ADORA2B: variants seen among roughly 807,000 people sequenced by gnomAD.
The protein encoded by ADORA2B is adenosine receptor A2b.
A neutral mutation model predicts 20.8 loss-of-function variants in ADORA2B; 18 were observed. That is an observed-to-expected ratio of 0.87 (90% CI 0.60 to 1.29). The LOEUF (loss-of-function observed/expected upper bound fraction) is 1.29, where lower values mean the gene tolerates loss of function less well. ADORA2B is among the 50% of genes most tolerant of loss of function. The probability of loss-of-function intolerance (pLI) is 0.00; values close to 1 mark genes in which losing one functional copy is unlikely to be tolerated. For missense variants in ADORA2B, 441 were observed against 422.7 expected, an observed-to-expected ratio of 1.04 and a Z score of -0.38; for synonymous variants, 179 against 178.3, an observed-to-expected ratio of 1.00 and a Z score of -0.03.
intron 1 of ADORA2B, among the ~76,000 whole-genome samples, chr17:15,972,620 C>CAT (rs1970203158): frequency 6.6e-6 from 1 of 152,130 alleles, no homozygotes; most frequent in Non-Finnish European, 1.5e-5. Context: ...TCTCTTGCCC[C>CAT]ATAACTCACT....
At chr17:15,871,211 A>T in the ADORA2B span, among the ~76,000 whole-genome samples, 31,904 of 152,034 alleles carry the variant, frequency 0.21, 3,938 homozygotes, top group Non-Finnish European at 0.28. Flanking sequence ...AAAATATCAA[A>T]CAGTGTAGAG....
the ADORA2B span, among the ~76,000 whole-genome samples, chr17:15,890,605 T>C: frequency 6.6e-6 from 1 of 152,094 alleles, no homozygotes; most frequent in African/African-American, 2.4e-5. Flanking sequence ...AGCTTAGCCA[T>C]CTGGAACTCA....
chr17:15,926,510 A>C, the ADORA2B span, among the ~76,000 whole-genome samples: 1 of 151,776 alleles, frequency 6.6e-6, no homozygotes, highest in East Asian at 2.0e-4. Flanking sequence ...GGGTGGGCAC[A>C]GTATGTCCAA....
the ADORA2B span, among the ~76,000 whole-genome samples, chr17:15,900,268 A>G: frequency 1.3e-5 from 2 of 152,138 alleles, no homozygotes; most frequent in Non-Finnish European, 2.9e-5. Flanking sequence ...TGTTGGATAT[A>G]TACCCAGTAA....
the ADORA2B span, among the ~76,000 whole-genome samples, chr17:15,872,861 T>C: frequency 1.3e-5 from 2 of 152,256 alleles, no homozygotes; most frequent in Non-Finnish European, 2.9e-5. Context: ...AGAGATAGTA[T>C]GACTTCCTCT....
chr17:15,955,973 G>A (rs1233250186), intron 1 of ADORA2B, among the ~76,000 whole-genome samples: 2 of 152,146 alleles, frequency 1.3e-5, no homozygotes, highest in East Asian at 3.9e-4. Context: ...GCCTGCCTCG[G>A]CCTCCATAAA....
chr17:15,947,514 C>T (rs1471265663), intron 1 of ADORA2B, among the ~76,000 whole-genome samples: 1 of 152,222 alleles, frequency 6.6e-6, no homozygotes, highest in African/African-American at 2.4e-5. Context: ...CTTTGCATTG[C>T]CAAGGGCAGG....
chr17:15,927,115 G>A, the ADORA2B span, among the ~76,000 whole-genome samples: 1 of 152,212 alleles, frequency 6.6e-6, no homozygotes, highest in Non-Finnish European at 1.5e-5. Context: ...GGGAGGCCGA[G>A]GCAGGCAGAT....
chr17:15,951,033 T>C (rs1320209835), intron 1 of ADORA2B, among the ~76,000 whole-genome samples: 1 of 152,088 alleles, frequency 6.6e-6, no homozygotes, highest in Non-Finnish European at 1.5e-5. Context: ...TGTGGATGAA[T>C]GCATGAGTGA....
At position 15,957,153 on chromosome 17, in the gene ADORA2B, T is replaced by C. The variant is rs1312256239; in HGVS notation, c.335+11570T>C. 2.6e-5 allele frequency among the ~76,000 whole-genome samples: 4 copies of C among 152,184 alleles called. No individual in the cohort carries two copies. The East Asian group carries it at 7.7e-4, about 29-fold the overall frequency. The stretch of plus-strand genomic sequence containing the variant: ...AGATGGCAGCAGACTCTACAGATAT[T>C]GGAGACTCGTAGAACCACAATTTCT... On this transcript the variant is annotated intron_variant, in intron 1 of 1. Transcript: ENST00000304222.
At chr17:15,904,323 ACTCATCACCAAAACCAAG>A in the ADORA2B span, among the ~76,000 whole-genome samples, 11 of 150,568 alleles carry the variant, frequency 7.3e-5, no homozygotes, top group Admixed American at 7.3e-4. Context: ...GTCTGTAAAA[ACTCATCACCAAAACCAAG>A]ATCACACAGA....
At chr17:15,945,976 C>A (rs1303638629) in intron 1 of ADORA2B, among the ~76,000 whole-genome samples, 1 of 152,174 alleles carries the variant, frequency 6.6e-6, no homozygotes, top group Non-Finnish European at 1.5e-5. Flanking sequence ...CCACGAAGGC[C>A]GTTCCTAACA....
the ADORA2B span, among the ~76,000 whole-genome samples, chr17:15,916,523 G>T: frequency 6.6e-6 from 1 of 151,316 alleles, no homozygotes; most frequent in Non-Finnish European, 1.5e-5. Flanking sequence ...ACTGAGCAAG[G>T]AGGGGGGGTA....
At chr17:15,914,375 T>C in the ADORA2B span, among the ~76,000 whole-genome samples, 1 of 152,144 alleles carries the variant, frequency 6.6e-6, no homozygotes, top group Non-Finnish European at 1.5e-5. Context: ...TTTTTATATT[T>C]TTACTTTTTG....
At position 15,974,708 on chromosome 17, in the gene ADORA2B, C is replaced by T; in HGVS notation, c.365C>T (p.Ala122Val). The T allele has an allele frequency of 6.2e-7, 1 of 1,614,026 alleles. No homozygotes were observed. Among genetic ancestry groups the T allele is most frequent in the Non-Finnish European group, 8.5e-7 (1 of 1,179,950 alleles). The change falls in exon 2 of 2, where the codon GCA becomes GTA. Residue 122 changes from alanine (A) to valine (V), a missense_variant. Transcript: ENST00000304222. ...AAAAGTTTGGTCACGGGGACCCGAG[C>T]AAGAGGGGTCATTGCTGTCCTCTGG... ...RYKSLVTGTR[A>V]RGVIAVLWVL...
At chr17:15,879,972 T>C in the ADORA2B span, among the ~76,000 whole-genome samples, 1 of 149,222 alleles carries the variant, frequency 6.7e-6, no homozygotes, top group Non-Finnish European at 1.5e-5. Context: ...ATTTTTGTGT[T>C]CTCTAACAGT....
At chr17:15,886,382 GC>G in the ADORA2B span, among the ~76,000 whole-genome samples, 12 of 129,934 alleles carry the variant, frequency 9.2e-5, 1 homozygote, top group East Asian at 2.5e-3. Flanking sequence ...GTACTTGTCA[GC>G]CCCTCATGCA....
chr17:15,914,053 C>T, the ADORA2B span, among the ~76,000 whole-genome samples: 1 of 152,202 alleles, frequency 6.6e-6, no homozygotes, highest in East Asian at 1.9e-4. Context: ...GAACAGGCAC[C>T]TAGGCGGGCT....
At chr17:15,973,205 G>A (rs576489576) in intron 1 of ADORA2B, among the ~76,000 whole-genome samples, 115 of 152,316 alleles carry the variant, frequency 7.6e-4, no homozygotes, top group African/African-American at 2.7e-3. Flanking sequence ...TGGAGCCACA[G>A]GTGGTGCTGA....
Sources: gnomAD v4.1 joint callset for allele counts (sites outside exome capture counted in the v4.1 genomes callset) on GRCh38, gnomAD v4.1.1 for gene constraint, MANE v1.5 for transcripts, NCBI Gene and HGNC (gene_info 2026-07-23, HGNC 2026-07-21) for gene names.